Variants in PBX1 observed in about 807,000 individuals in gnomAD.
PBX1 encodes the protein PBX homeobox 1.
Under a neutral mutation model 53.4 loss-of-function variants are expected in PBX1, and 6 were observed. The ratio of observed to expected loss-of-function variants is 0.11; its 90% CI spans 0.06 to 0.22. The LOEUF is 0.22. PBX1 is among the 10% of genes least tolerant of loss of function. The pLI is 1.00. For synonymous variants in PBX1, 204 were observed against 212.3 expected, an observed-to-expected ratio of 0.96 and a Z score of 0.34; for missense variants, 251 against 551.4, an observed-to-expected ratio of 0.46 and a Z score of 5.46.
chr1:164,610,463 C>T (rs1229177366), intron 2 of PBX1, among the ~76,000 whole-genome samples: 3 of 152,060 alleles, frequency 2.0e-5, no homozygotes, highest in African/African-American at 7.2e-5. Flanking sequence ...GTGAGGAACC[C>T]ATTGGTCTAT....
chr1:164,621,459 G>A (rs998753842), intron 2 of PBX1, among the ~76,000 whole-genome samples: 1 of 152,244 alleles, frequency 6.6e-6, no homozygotes, highest in East Asian at 1.9e-4. Context: ...TGCCTGGGGG[G>A]TGCTATTTAG....
chr1:164,671,373 C>G (rs1164433002), intron 2 of PBX1, among the ~76,000 whole-genome samples: 1 of 152,058 alleles, frequency 6.6e-6, no homozygotes, highest in Non-Finnish European at 1.5e-5. Flanking sequence ...TTCTGATTAG[C>G]CGTGTGAGGT....
At chr1:164,665,038 CTG>C (rs1490408435) in intron 2 of PBX1, among the ~76,000 whole-genome samples, 1 of 152,148 alleles carries the variant, frequency 6.6e-6, no homozygotes, top group Non-Finnish European at 1.5e-5. Context: ...AAAAGGAGGA[CTG>C]TGAACCTTCT....
At chr1:164,611,186 T>A (rs1656897065) in intron 2 of PBX1, among the ~76,000 whole-genome samples, 1 of 152,134 alleles carries the variant, frequency 6.6e-6, no homozygotes, top group Non-Finnish European at 1.5e-5. Flanking sequence ...CACTTAACCC[T>A]TTTTGGGGTC....
chr1:164,680,060 A>G (rs1661670377), intron 2 of PBX1: 2 of 152,204 alleles, frequency 1.3e-5, no homozygotes, highest in African/African-American at 4.8e-5. Context: ...GGAGTAGAGC[A>G]GATATATTAG....
At chr1:164,729,999 A>G (rs1664896081) in intron 2 of PBX1, among the ~76,000 whole-genome samples, 1 of 152,214 alleles carries the variant, frequency 6.6e-6, no homozygotes, top group African/African-American at 2.4e-5. Context: ...CTTAGTTTCT[A>G]AACCTGCCCC....
chr1:164,628,041 A>C (rs1658158754), intron 2 of PBX1, among the ~76,000 whole-genome samples: 1 of 152,184 alleles, frequency 6.6e-6, no homozygotes, highest in Admixed American at 6.5e-5. Flanking sequence ...CTTTTTGGGG[A>C]CATCTGTTCC....
chr1:164,826,952 GT>G (rs1331492258), intron 8 of PBX1, among the ~76,000 whole-genome samples: 1 of 152,154 alleles, frequency 6.6e-6, no homozygotes, highest in Non-Finnish European at 1.5e-5. Context: ...TTTTATCATT[GT>G]AAAACTGTAA....
chr1:164,688,647 T>A (rs763455501), intron 2 of PBX1, among the ~76,000 whole-genome samples: 2 of 152,120 alleles, frequency 1.3e-5, no homozygotes, highest in Non-Finnish European at 2.9e-5. Flanking sequence ...ACCTCTTTTT[T>A]AAGGTCTTCA....
intron 7 of PBX1, among the ~76,000 whole-genome samples, chr1:164,821,050 C>T (rs1670130121): frequency 6.6e-6 from 1 of 152,140 alleles, no homozygotes; most frequent in Non-Finnish European, 1.5e-5. Context: ...AACAACTGGC[C>T]ATCACTTAAG....
intron 8 of PBX1, among the ~76,000 whole-genome samples, chr1:164,844,115 C>CTTTTTTTTTTTTTTTT (rs773961576): frequency 3.3e-5 from 2 of 61,114 alleles, no homozygotes; most frequent in African/African-American, 7.8e-5. Context: ...TTCTTTCTTT[C>CTTTTTTTTTTTTTTTT]TTTTTTTTTT....
intron 2 of PBX1, among the ~76,000 whole-genome samples, chr1:164,673,496 A>T (rs1369180194): frequency 8.2e-6 from 1 of 121,478 alleles, no homozygotes; most frequent in African/African-American, 4.0e-5. Flanking sequence ...TTTGAGACGG[A>T]ATCTCGCACT....
Position 164,559,444 on chromosome 1 carries a change from G to A in PBX1, c.-379G>A, listed in dbSNP as rs1023337517. On this transcript the variant is annotated 5_prime_UTR_variant, in exon 1 of 9. Transcript: ENST00000420696. ...CAAAAGGATTAAGCCACAGATTTAA[G>A]CGCCGGGAGCCCATTTCTGCCTTGC... is the stretch of plus-strand genomic sequence containing the variant. 2 of 255,930 alleles carry A rather than the reference G, an allele frequency of 7.8e-6. No homozygotes were observed. The allele number at this position is 255,930 out of a possible 1,614,324, so 15.9% of individuals were successfully genotyped here. A position where few individuals can be genotyped will look rare whatever the true frequency, so the allele number is the denominator to read the frequency against.
chr1:164,581,417 G>A (rs549553993), intron 2 of PBX1, among the ~76,000 whole-genome samples: 119 of 152,044 alleles, frequency 7.8e-4, no homozygotes, highest in African/African-American at 2.8e-3. Flanking sequence ...TAGTAAAGAC[G>A]GGATTTCACC....
rs75403545 is a variant in PBX1 at position 164,647,890 on chromosome 1, C to T, written c.265+84579C>T. The stretch of plus-strand genomic sequence containing the variant: ...AGTGCGGTGGCGCGATCTCGGCTCA[C>T]TGCAAACTCCGCCTCCCGGGTTCAT... On this transcript the variant is annotated intron_variant, in intron 2 of 8. Transcript: ENST00000420696. Among the ~76,000 whole-genome samples the T allele has an allele frequency of 6.2e-3, 936 of 150,826 alleles. 32 individuals carry two copies. Among genetic ancestry groups the T allele is most frequent in the Admixed American group, 0.047 (710 of 15,076 alleles).
chr1:164,614,112 G>C (rs1389974927), intron 2 of PBX1, among the ~76,000 whole-genome samples: 1 of 152,178 alleles, frequency 6.6e-6, no homozygotes, highest in Non-Finnish European at 1.5e-5. Context: ...AATCACTCGG[G>C]AGGCAAAGTA....
chr1:164,617,306 A>G (rs1205063935), intron 2 of PBX1, among the ~76,000 whole-genome samples: 2 of 152,210 alleles, frequency 1.3e-5, no homozygotes, highest in Non-Finnish European at 2.9e-5. Context: ...TCACAAATGC[A>G]TGTTGTTGAT....
rs374838144 is a variant in PBX1 at position 164,593,543 on chromosome 1, G to A, written c.265+30232G>A. The stretch of plus-strand genomic sequence containing the variant: ...GTGGTTACCAGTGGCACAACCCAGG[G>A]CAAGTTACTTCTGTAAGCCTCTGTT... On this transcript the variant is annotated intron_variant, in intron 2 of 8. Coordinates refer to ENST00000420696, the MANE Select transcript of PBX1 (RefSeq NM_002585.4). Among the ~76,000 whole-genome samples the A allele has an allele frequency of 3.3e-5, 5 of 152,108 alleles. No homozygotes were observed. The East Asian group carries it at 9.6e-4, about 29-fold the overall frequency.
chr1:164,604,216 C>T (rs975752901), intron 2 of PBX1, among the ~76,000 whole-genome samples: 2 of 152,198 alleles, frequency 1.3e-5, no homozygotes, highest in African/African-American at 4.8e-5. Context: ...GCTATGATTA[C>T]AGGCGTGAGC....
Sources: gnomAD v4.1 joint callset for allele counts (sites outside exome capture counted in the v4.1 genomes callset) on GRCh38, gnomAD v4.1.1 for gene constraint, MANE v1.5 for transcripts, NCBI Gene and HGNC (gene_info 2026-07-23, HGNC 2026-07-21) for gene names.